Variants in TYW1B observed in about 807,000 individuals in gnomAD.
TYW1B encodes S-adenosyl-L-methionine-dependent tRNA 4-demethylwyosine synthase TYW1B.
TYW1B carries 73 observed loss-of-function variants against 86.9 expected under a neutral mutation model. The observed-to-expected ratio is 0.84, with a 90% CI of 0.70 to 1.02. The LOEUF (loss-of-function observed/expected upper bound fraction) is 1.02, where lower values mean the gene tolerates loss of function less well. Among genes scored for constraint, TYW1B ranks in the 50% least tolerant of loss-of-function variants. The probability of loss-of-function intolerance (pLI) is 0.00; values close to 1 mark genes in which losing one functional copy is unlikely to be tolerated. For missense variants in TYW1B, 637 were observed against 827.4 expected (o/e 0.77, Z 2.82); for synonymous variants, 248 against 292.8 (o/e 0.85, Z 1.56).
chr7:72,815,946 C>G (rs1788714536), intron 2 of TYW1B, among the ~76,000 whole-genome samples: 1 of 152,086 alleles, frequency 6.6e-6, no homozygotes, highest in African/African-American at 2.4e-5. Context: ...GAAGGATCCC[C>G]TGAGCCCAGG....
intron 6 of TYW1B, among the ~76,000 whole-genome samples, chr7:72,783,685 G>A (rs1253818803): frequency 9.9e-5 from 15 of 152,110 alleles, no homozygotes; most frequent in Admixed American, 9.8e-4. Context: ...CTTTTGAACT[G>A]GTGGAAAAGC....
intron 13 of TYW1B, among the ~76,000 whole-genome samples, chr7:72,596,179 CA>C (rs58325295): frequency 0.22 from 12,695 of 57,204 alleles, 424 homozygotes; most frequent in African/African-American, 0.36. Flanking sequence ...AACTCTGTCT[CA>C]AAAAAAAAAA....
At chr7:72,623,020 G>C (rs1812262065) in intron 12 of TYW1B, among the ~76,000 whole-genome samples, 1 of 152,184 alleles carries the variant, frequency 6.6e-6, no homozygotes, top group African/African-American at 2.4e-5. Context: ...ACTGCACACA[G>C]GGTAGATAGA....
At chr7:72,589,859 A>G (rs1289544675) in intron 13 of TYW1B, among the ~76,000 whole-genome samples, 1 of 152,182 alleles carries the variant, frequency 6.6e-6, no homozygotes, top group Admixed American at 6.5e-5. Flanking sequence ...CTGGGCAACC[A>G]GAGCGAAACT....
At chr7:72,818,986 A>G (rs1315133096) in intron 2 of TYW1B, among the ~76,000 whole-genome samples, 5 of 152,150 alleles carry the variant, frequency 3.3e-5, no homozygotes, top group African/African-American at 1.2e-4. Context: ...GATCCAAACC[A>G]TATCAATTAC....
At chr7:72,597,175 A>G (rs1244329047) in intron 13 of TYW1B, among the ~76,000 whole-genome samples, 1 of 151,952 alleles carries the variant, frequency 6.6e-6, no homozygotes, top group Non-Finnish European at 1.5e-5. Flanking sequence ...AATAATGAAA[A>G]ATATTCATAT....
At chr7:72,598,807 T>A (rs1176430852) in intron 13 of TYW1B, among the ~76,000 whole-genome samples, 1 of 151,996 alleles carries the variant, frequency 6.6e-6, no homozygotes, top group African/African-American at 2.4e-5. Flanking sequence ...AGCAGGTGAT[T>A]TGAAAAATTA....
intron 9 of TYW1B, among the ~76,000 whole-genome samples, chr7:72,716,284 G>A (rs1397732069): frequency 2.6e-5 from 4 of 152,230 alleles, no homozygotes; most frequent in African/African-American, 7.2e-5. Flanking sequence ...TGAATGGTAA[G>A]TACCTTGAAG....
intron 11 of TYW1B, among the ~76,000 whole-genome samples, chr7:72,658,995 A>C (rs1813269522): frequency 6.6e-6 from 1 of 152,198 alleles, no homozygotes; most frequent in South Asian, 2.1e-4. Context: ...TGCCGGGATT[A>C]CAGGCATGAG....
intron 11 of TYW1B, among the ~76,000 whole-genome samples, chr7:72,693,537 T>C (rs1277591492): frequency 2.6e-5 from 4 of 151,140 alleles, no homozygotes; most frequent in Non-Finnish European, 5.9e-5. Context: ...GCCTCCTGAG[T>C]AGCTAGGACC....
chr7:72,801,867 C>T (rs1264687969), intron 6 of TYW1B, among the ~76,000 whole-genome samples: 2 of 152,110 alleles, frequency 1.3e-5, no homozygotes, highest in Non-Finnish European at 2.9e-5. Flanking sequence ...AGCAAATTTA[C>T]ACTGGAGTTT....
chr7:72,629,650 G>A (rs1554439536), intron 11 of TYW1B, among the ~76,000 whole-genome samples: 2 of 152,074 alleles, frequency 1.3e-5, no homozygotes, highest in African/African-American at 4.8e-5. Flanking sequence ...GGACTCAAGT[G>A]ATCCTCCTGC....
At chr7:72,808,287 C>CA (rs1788533867) in intron 4 of TYW1B, among the ~76,000 whole-genome samples, 1 of 151,762 alleles carries the variant, frequency 6.6e-6, no homozygotes. Context: ...CCCATCTCTA[C>CA]AAAAAATACA....
At chr7:72,576,421 C>G (rs1554428495) in intron 13 of TYW1B, among the ~76,000 whole-genome samples, 2 of 151,938 alleles carry the variant, frequency 1.3e-5, no homozygotes, top group African/African-American at 4.8e-5. Context: ...TAATTCAAAG[C>G]ATTTGTTTGG....
intron 9 of TYW1B, among the ~76,000 whole-genome samples, chr7:72,715,528 T>A (rs2686989): frequency 0.011 from 1,633 of 151,934 alleles, 29 homozygotes; most frequent in African/African-American, 0.031. Flanking sequence ...ATAGGCAAAA[T>A]TATGTATCCT....
At chr7:72,709,654 C>G (rs1313831082) in intron 10 of TYW1B, among the ~76,000 whole-genome samples, 1 of 151,938 alleles carries the variant, frequency 6.6e-6, no homozygotes, top group Non-Finnish European at 1.5e-5. Flanking sequence ...GGTGACAGAG[C>G]GAGACTCCGT....
At chr7:72,785,350 A>G (rs1383494620) in intron 6 of TYW1B, among the ~76,000 whole-genome samples, 24 of 147,584 alleles carry the variant, frequency 1.6e-4, no homozygotes, top group African/African-American at 4.9e-4. Context: ...AATTATATAT[A>G]TTAATATATA....
chr7:72,642,458 T>C (rs1349118863), intron 11 of TYW1B, among the ~76,000 whole-genome samples: 21 of 152,222 alleles, frequency 1.4e-4, no homozygotes, highest in Non-Finnish European at 2.2e-4. Flanking sequence ...AACTGAAACA[T>C]ATATTCACAC....
At chr7:72,638,994 C>T (rs1448066910) in intron 11 of TYW1B, among the ~76,000 whole-genome samples, 2 of 152,064 alleles carry the variant, frequency 1.3e-5, no homozygotes, top group African/African-American at 4.8e-5. Context: ...GACAAATGAC[C>T]CACCTTCTTC....
Sources: allele counts gnomAD v4.1 joint callset (sites outside exome capture counted in the v4.1 genomes callset), GRCh38; gene constraint gnomAD v4.1.1; transcripts MANE v1.5; gene names NCBI Gene and HGNC (gene_info 2026-07-23, HGNC 2026-07-21).